Variants in LHFPL6 observed in about 807,000 individuals in gnomAD.
LHFPL6 encodes LHFPL tetraspan subfamily member 6, also known as LHFPL tetraspan subfamily member 6 protein.
Under a neutral mutation model 20.6 loss-of-function variants are expected in LHFPL6, and 9 were observed. That is an observed-to-expected ratio of 0.44 (90% CI 0.26 to 0.76). The LOEUF (loss-of-function observed/expected upper bound fraction) is 0.76, where lower values mean the gene tolerates loss of function less well. Among genes scored for constraint, LHFPL6 ranks in the 30% least tolerant of loss-of-function variants. The pLI is 0.20. For synonymous variants in LHFPL6, 105 were observed against 98.7 expected, an observed-to-expected ratio of 1.06 and a Z score of -0.38; for missense variants, 218 against 253.5, an observed-to-expected ratio of 0.86 and a Z score of 0.95.
intron 1 of LHFPL6, among the ~76,000 whole-genome samples, chr13:39,602,211 C>T (rs925182321): frequency 6.6e-6 from 1 of 152,124 alleles, no homozygotes; most frequent in African/African-American, 2.4e-5. Flanking sequence ...AAAAAGAGTT[C>T]CTTAACCATT....
chr13:39,439,362 G>A (rs112739231), intron 2 of LHFPL6, among the ~76,000 whole-genome samples: 7 of 152,308 alleles, frequency 4.6e-5, no homozygotes, highest in African/African-American at 1.7e-4. Flanking sequence ...TATCTAGGGA[G>A]TAACTAACTT....
chr13:39,445,704 T>A (rs1164956110), intron 2 of LHFPL6, among the ~76,000 whole-genome samples: 1 of 152,142 alleles, frequency 6.6e-6, no homozygotes, highest in Non-Finnish European at 1.5e-5. Context: ...TACAGCAGAA[T>A]AAAACAAACA....
At chr13:39,525,501 T>C (rs1870258695) in intron 2 of LHFPL6, among the ~76,000 whole-genome samples, 1 of 152,200 alleles carries the variant, frequency 6.6e-6, no homozygotes, top group African/African-American at 2.4e-5. Flanking sequence ...ATGTGAGTGG[T>C]AATAAATGTA....
At chr13:39,582,044 A>T (rs1453352097) in intron 2 of LHFPL6, among the ~76,000 whole-genome samples, 1 of 152,184 alleles carries the variant, frequency 6.6e-6, no homozygotes, top group African/African-American at 2.4e-5. Flanking sequence ...CCAACTGTCC[A>T]TTTGGCCTTC....
chr13:39,542,913 T>G lies in LHFPL6; in HGVS notation c.385+57919A>C, dbSNP rs188729203. Among the ~76,000 whole-genome samples the G allele has an allele frequency of 2.0e-4, 30 of 152,326 alleles. 1 individual carries two copies. In the South Asian group the frequency reaches 5.6e-3, roughly 28 times the overall value. On this transcript the variant is annotated intron_variant, in intron 2 of 3. Transcript: ENST00000379589. Reference sequence around the variant, plus strand: ...ATTTTAAGTATAAATTTTAGTGGCATTAAGTATGTCCACGATGGTGTACAA... The same window carrying G: ...ATTTTAAGTATAAATTTTAGTGGCAGTAAGTATGTCCACGATGGTGTACAA...
intron 2 of LHFPL6, among the ~76,000 whole-genome samples, chr13:39,470,526 A>G (rs1183071178): frequency 6.6e-6 from 1 of 152,180 alleles, no homozygotes; most frequent in Non-Finnish European, 1.5e-5. Flanking sequence ...TTTCTTTTAT[A>G]TGACTTAAAT....
chr13:39,482,316 T>C (rs936651065), intron 2 of LHFPL6, among the ~76,000 whole-genome samples: 1 of 152,052 alleles, frequency 6.6e-6, no homozygotes, highest in Non-Finnish European at 1.5e-5. Flanking sequence ...TGGTGGCACA[T>C]GCCTGTAATC....
At chr13:39,424,689 G>A (rs946726438) in intron 2 of LHFPL6, among the ~76,000 whole-genome samples, 3 of 152,120 alleles carry the variant, frequency 2.0e-5, no homozygotes, top group Non-Finnish European at 4.4e-5. Context: ...TTTTCAAAAT[G>A]AGGAAAATGT....
intron 2 of LHFPL6, among the ~76,000 whole-genome samples, chr13:39,490,927 A>G (rs1459334832): frequency 4.6e-5 from 7 of 152,204 alleles, no homozygotes; most frequent in Non-Finnish European, 5.9e-5. Context: ...CATGTGGGCA[A>G]AACATTAGCT....
intron 2 of LHFPL6, among the ~76,000 whole-genome samples, chr13:39,448,428 C>T (rs778957841): frequency 2.6e-5 from 4 of 152,062 alleles, no homozygotes; most frequent in Non-Finnish European, 4.4e-5. Flanking sequence ...TTTAAAGAGG[C>T]GGGAACAAGG....
At chr13:39,564,445 C>CAACAA in intron 2 of LHFPL6, among the ~76,000 whole-genome samples, 1 of 152,178 alleles carries the variant, frequency 6.6e-6, no homozygotes, top group South Asian at 2.1e-4. Context: ...TGTGCATCTT[C>CAACAA]ATATTTCTAA....
At chr13:39,510,049 T>C (rs1317058501) in intron 2 of LHFPL6, among the ~76,000 whole-genome samples, 1 of 152,198 alleles carries the variant, frequency 6.6e-6, no homozygotes, top group Non-Finnish European at 1.5e-5. Flanking sequence ...CTCACGGTGC[T>C]CAAAGAGAAT....
chr13:39,350,586 T>C (rs1303082471), intron 3 of LHFPL6, among the ~76,000 whole-genome samples: 2 of 152,226 alleles, frequency 1.3e-5, no homozygotes, highest in African/African-American at 4.8e-5. Flanking sequence ...ACAGAAAGCA[T>C]TTTTCCAGAG....
chr13:39,478,491 A>G (rs138811571), intron 2 of LHFPL6, among the ~76,000 whole-genome samples: 46 of 152,316 alleles, frequency 3.0e-4, no homozygotes, highest in African/African-American at 1.1e-3. Context: ...ATCTAGCTCC[A>G]TTATCCAGGT....
intron 2 of LHFPL6, among the ~76,000 whole-genome samples, chr13:39,498,993 T>C (rs760706863): frequency 6.6e-6 from 1 of 152,186 alleles, no homozygotes; most frequent in Admixed American, 6.5e-5. Flanking sequence ...CCCAGGTAGC[T>C]GGGATTACAG....
At chr13:39,448,284 C>A (rs1199519196) in intron 2 of LHFPL6, among the ~76,000 whole-genome samples, 1 of 152,174 alleles carries the variant, frequency 6.6e-6, no homozygotes, top group Non-Finnish European at 1.5e-5. Context: ...TCCTACATAT[C>A]ATAATATAAT....
chr13:39,451,473 C>T (rs1251412995), intron 2 of LHFPL6, among the ~76,000 whole-genome samples: 1 of 152,116 alleles, frequency 6.6e-6, no homozygotes, highest in African/African-American at 2.4e-5. Flanking sequence ...TGTAGCCAAC[C>T]TATTACATAA....
chr13:39,410,805 T>G (rs1487071647), intron 2 of LHFPL6, among the ~76,000 whole-genome samples: 1 of 152,178 alleles, frequency 6.6e-6, no homozygotes, highest in East Asian at 1.9e-4. Flanking sequence ...TGTTAACATT[T>G]CACTACTTCC....
At chr13:39,589,522 T>TA (rs1187701806) in intron 2 of LHFPL6, among the ~76,000 whole-genome samples, 1 of 152,222 alleles carries the variant, frequency 6.6e-6, no homozygotes, top group African/African-American at 2.4e-5. Flanking sequence ...AATGACCATT[T>TA]AAAAATCTCT....
Sources: gnomAD v4.1 joint callset for allele counts (sites outside exome capture counted in the v4.1 genomes callset) on GRCh38, gnomAD v4.1.1 for gene constraint, MANE v1.5 for transcripts, NCBI Gene and HGNC (gene_info 2026-07-23, HGNC 2026-07-21) for gene names.